Variants in PTPRB observed in about 807,000 individuals in gnomAD.
PTPRB encodes the protein receptor-type tyrosine-protein phosphatase beta.
A neutral mutation model predicts 238.1 loss-of-function variants in PTPRB; 97 were observed. The observed-to-expected ratio is 0.41, with a 90% CI of 0.35 to 0.48. The LOEUF is 0.48. PTPRB is among the 20% of genes least tolerant of loss of function. The pLI, the probability that PTPRB is intolerant of heterozygous loss-of-function variation, is 0.30. For missense variants in PTPRB, 2,292 were observed against 2,681.9 expected (o/e 0.85, Z 3.21); for synonymous variants, 970 against 995.4 (o/e 0.97, Z 0.48).
chr12:70,601,811 A>G (rs778375684), intron 4 of PTPRB, among the ~76,000 whole-genome samples: 13 of 89,940 alleles, frequency 1.4e-4, no homozygotes, highest in South Asian at 3.7e-4. Context: ...TTTTTTTTTG[A>G]GATGGAGTCT....
intron 3 of PTPRB, among the ~76,000 whole-genome samples, chr12:70,611,384 G>A (rs1008331467): frequency 6.6e-6 from 1 of 152,202 alleles, no homozygotes; most frequent in South Asian, 2.1e-4. Context: ...TGCCTCCCGG[G>A]TTCAAGCAAT....
At position 70,576,662 on chromosome 12, in the gene PTPRB, TGGGGGGCGGGGGGGG is replaced by T; in HGVS notation, c.2579-32_2579-18del. ...TGGAAGGGACTGTGATTTTGAAAGG[TGGGGGGCGGGGGGGG>T]GGGGGAAGGGGGATTCAAAAAGAAA... On this transcript the variant is annotated intron_variant, in intron 10 of 33. Coordinates refer to ENST00000334414, the MANE Select transcript of PTPRB (RefSeq NM_001109754.4). 4.1e-4 allele frequency: 6 copies of T among 14,772 alleles called. No homozygotes were observed. The highest frequency in any genetic ancestry group is 5.3e-4 in the Non-Finnish European group (5 of 9,402). 0.9% of individuals were successfully genotyped at this position (14,772 alleles called of 1,614,324 possible). A position where few individuals can be genotyped will look rare whatever the true frequency, so the allele number is the denominator to read the frequency against.
In PTPRB at chr12:70,596,165, G is replaced by A. The variant is rs773709782; in HGVS notation, c.1142C>T (p.Thr381Ile). The A allele has an allele frequency of 5.0e-6, 8 of 1,613,592 alleles. No individual in the cohort carries two copies. The highest frequency in any genetic ancestry group is 6.8e-6 in the Non-Finnish European group (8 of 1,179,702). The change falls in exon 5 of 34, where the codon ACT (threonine) becomes ATT (isoleucine). Residue 381 changes from threonine (T) to isoleucine (I), a missense_variant. Around this residue, in one of 4 missense-constraint regions of PTPRB, gnomAD observed 1,205 missense variants for 1,287.8 expected, o/e 0.94. Transcript: ENST00000334414. ...KIQGVQIQESTSWNEYTFFNL... is the reference protein window; with the variant it reads ...KIQGVQIQESISWNEYTFFNL... ...GAAAAAAGTGTATTCATTCCATGAA[G>A]TACTTTCTTGAATTTGAACCCCCTG... is the stretch of plus-strand genomic sequence containing the variant.
rs1381455152 is a variant in PTPRB at position 70,520,081 on chromosome 12, C to T, written c.*1408G>A. 2 of 359,844 alleles carry T rather than the reference C, an allele frequency of 5.6e-6. No homozygotes were observed. Among genetic ancestry groups the T allele is most frequent in the Non-Finnish European group, 5.5e-6 (1 of 182,726 alleles). 22.3% of individuals were successfully genotyped at this position (359,844 alleles called of 1,614,324 possible). ...AAGCTATGCCATCAACAAACTTGACCTCTAATTCCCAAGTTTATTACAGAA... is the reference window on the plus strand; with the variant it reads ...AAGCTATGCCATCAACAAACTTGACTTCTAATTCCCAAGTTTATTACAGAA... On this transcript the variant is annotated 3_prime_UTR_variant, in exon 34 of 34. Transcript: ENST00000334414.
intron 4 of PTPRB, among the ~76,000 whole-genome samples, chr12:70,599,313 G>C (rs1264467404): frequency 6.6e-6 from 1 of 152,004 alleles, no homozygotes; most frequent in East Asian, 1.9e-4. Flanking sequence ...CTGATCATAT[G>C]ACAGATCGTA....
chr12:70,616,725 C>T (rs1331213128), intron 3 of PTPRB, among the ~76,000 whole-genome samples: 1 of 152,214 alleles, frequency 6.6e-6, no homozygotes, highest in Non-Finnish European at 1.5e-5. Context: ...TCTCTCCCCA[C>T]TGTATCAACT....
intron 8 of PTPRB, among the ~76,000 whole-genome samples, 159 bp downstream of exon 8, chr12:70,589,805 T>A (rs1399608367): frequency 6.6e-6 from 1 of 152,230 alleles, no homozygotes; most frequent in Admixed American, 6.5e-5. Context: ...ATTTGACAAA[T>A]TAGGTGTTAG....
intron 8 of PTPRB, among the ~76,000 whole-genome samples, chr12:70,589,471 G>A (rs944373482): frequency 1.3e-5 from 2 of 152,146 alleles, no homozygotes; most frequent in African/African-American, 4.8e-5. Flanking sequence ...TTGCTGTCAC[G>A]ATTATATTGC....
chr12:70,598,777 T>A (rs904678094), intron 4 of PTPRB, among the ~76,000 whole-genome samples: 2 of 152,150 alleles, frequency 1.3e-5, no homozygotes, highest in African/African-American at 2.4e-5. Flanking sequence ...ATAAAAATTT[T>A]AAAAAATAAT....
intron 31 of PTPRB, among the ~76,000 whole-genome samples, 182 bp from the exon 32 acceptor site, chr12:70,532,352 A>G (rs1332002504): frequency 8.6e-6 from 1 of 116,548 alleles, no homozygotes; most frequent in Admixed American, 1.2e-4. Flanking sequence ...ACAGCCTTCT[A>G]TCTCTTTCCA....
chr12:70,626,365 A>ATC (rs1885197532), intron 2 of PTPRB, among the ~76,000 whole-genome samples: 15 of 104,608 alleles, frequency 1.4e-4, no homozygotes, highest in South Asian at 6.4e-4. Flanking sequence ...CTATCTATCT[A>ATC]TATTCCTGCC....
At chr12:70,584,986 G>A (rs1881751999) in intron 9 of PTPRB, 1 of 147,432 alleles carries the variant, frequency 6.8e-6, no homozygotes, top group African/African-American at 2.5e-5. Context: ...TTTTGAGGCA[G>A]GTTCTCGCTC....
rs1209274037 is a variant in PTPRB at position 70,556,118 on chromosome 12, C to T, written c.4745G>A (p.Arg1582Gln). ...GGCAATGGCCGTGGAGTTCTGAGGC[C>T]GGCAATGCAGGTTTTGTATCTTGTC... is the stretch of plus-strand genomic sequence containing the variant. ...KPDKIQNLHC[R>Q]PQNSTAIACS... The change falls in exon 19 of 34, where the codon CGG (arginine) becomes CAG (glutamine). Residue 1582 changes from arginine to glutamine, a missense_variant. Transcript: ENST00000334414. The T allele has an allele frequency of 2.5e-6, 4 of 1,613,552 alleles. No homozygotes were observed. The highest frequency in any genetic ancestry group is 2.2e-5 in the East Asian group (1 of 44,876).
At chr12:70,566,802 T>C in intron 14 of PTPRB, 98 bp from the exon 15 acceptor site, 2 of 1,281,800 alleles carry the variant, frequency 1.6e-6, no homozygotes, top group South Asian at 1.4e-5. Context: ...AGGTAGAAGA[T>C]GATGCATTTG....
chr12:70,572,643 C>T (rs559587282), intron 11 of PTPRB, among the ~76,000 whole-genome samples: 1 of 151,990 alleles, frequency 6.6e-6, no homozygotes, highest in Non-Finnish European at 1.5e-5. Flanking sequence ...GTGGTGCACA[C>T]CTGTAGTTCC....
chr12:70,615,658 G>A (rs895740591), intron 3 of PTPRB, among the ~76,000 whole-genome samples: 4 of 152,140 alleles, frequency 2.6e-5, no homozygotes, highest in African/African-American at 9.7e-5. Flanking sequence ...CACAGTTCCT[G>A]CCACCCCACC....
At chr12:70,633,982 C>T (rs1388701195) in intron 2 of PTPRB, among the ~76,000 whole-genome samples, 1 of 151,998 alleles carries the variant, frequency 6.6e-6, no homozygotes, top group African/African-American at 2.4e-5. Flanking sequence ...GATAGATGAA[C>T]CACAGGAAAG....
Position 70,517,278 on chromosome 12 carries a change from G to C in PTPRB, c.*4211C>G, listed in dbSNP as rs1336947524. 1 of 152,220 alleles carries C rather than the reference G, an allele frequency of 6.6e-6. No homozygotes were observed. The highest frequency in any genetic ancestry group is 2.4e-5 in the African/African-American group (1 of 41,462). The allele number at this position is 152,220 out of a possible 1,614,324, so 9.4% of individuals were successfully genotyped here. On this transcript the variant is annotated 3_prime_UTR_variant, in exon 34 of 34. Transcript: ENST00000334414. ...CTCAAAAGGGCAACATGTCCTAATA[G>C]AAACGTGTGACAGGATTGTCCAAGC...
chr12:70,592,169 T>A, intron 7 of PTPRB, 113 bp downstream of exon 7: 1 of 1,447,958 alleles, frequency 6.9e-7, no homozygotes, highest in Non-Finnish European at 9.5e-7. Context: ...TTACATAGGC[T>A]CCACTTCTCA....
Sources: allele counts gnomAD v4.1 joint callset (sites outside exome capture counted in the v4.1 genomes callset), GRCh38; gene constraint gnomAD v4.1.1; regional missense constraint gnomAD v4.1.1; transcripts MANE v1.5; gene names NCBI Gene and HGNC (gene_info 2026-07-23, HGNC 2026-07-21).